The following CTDSP2 variants were observed in gnomAD, a reference collection of about 807,000 sequenced individuals.
The protein encoded by CTDSP2 is CTD small phosphatase 2, also known as carboxy-terminal domain RNA polymerase II polypeptide A small phosphatase 2.
Under a neutral mutation model 31.6 loss-of-function variants are expected in CTDSP2, and 9 were observed. That is an observed-to-expected ratio of 0.28 (90% CI 0.17 to 0.50). The LOEUF (loss-of-function observed/expected upper bound fraction) is 0.50, where lower values mean the gene tolerates loss of function less well. CTDSP2 is among the 20% of genes least tolerant of loss of function. CTDSP2 has a pLI of 0.98. For missense variants in CTDSP2, 267 were observed against 348.5 expected (o/e 0.77, Z 1.86); for synonymous variants, 134 against 134.5 (o/e 1.00, Z 0.03).
At chr12:57,827,311 G>C (rs927764229) in intron 3 of CTDSP2, 9 of 626,950 alleles carry the variant, frequency 1.4e-5, no homozygotes, top group African/African-American at 7.3e-5. Flanking sequence ...TGGAGGTGGT[G>C]GCCAGGGCAG....
intron 5 of CTDSP2, 138 bp from the exon 6 acceptor site, chr12:57,824,457 C>T (rs1956169966): frequency 1.4e-6 from 1 of 711,196 alleles, no homozygotes; most frequent in African/African-American, 1.7e-5. Context: ...GGCTGGAAGC[C>T]TGCGGCCCCC....
intron 1 of CTDSP2, among the ~76,000 whole-genome samples, chr12:57,832,316 G>A (rs971646614): frequency 2.6e-5 from 4 of 152,226 alleles, no homozygotes; most frequent in African/African-American, 9.6e-5. Flanking sequence ...CAGGGATTTT[G>A]TCATGAAGTT....
Position 57,820,701 on chromosome 12 carries a change from AC to A in CTDSP2, c.*2900del, listed in dbSNP as rs1956139561. On this transcript the variant is annotated 3_prime_UTR_variant, in exon 8 of 8. Coordinates refer to ENST00000398073, the MANE Select transcript of CTDSP2 (RefSeq NM_005730.4). ...TGTTAACTGAAGGCAAATTCACTCA[AC>A]CTCTCTAGTAAGGGACCCATGGGCC... 1 of 152,532 alleles carries A rather than the reference AC, an allele frequency of 6.6e-6. No homozygotes were observed. The highest frequency in any genetic ancestry group is 2.1e-4 in the South Asian group (1 of 4,824). 9.4% of individuals were successfully genotyped at this position (152,532 alleles called of 1,614,324 possible). A position where few individuals can be genotyped will look rare whatever the true frequency, so the allele number is the denominator to read the frequency against.
chr12:57,830,967 T>C (rs1956211882), intron 1 of CTDSP2, among the ~76,000 whole-genome samples: 1 of 151,490 alleles, frequency 6.6e-6, no homozygotes, highest in Non-Finnish European at 1.5e-5. Context: ...AGGCTGGTCT[T>C]GAACTCCTGA....
At chr12:57,832,395 G>C (rs964360271) in intron 1 of CTDSP2, among the ~76,000 whole-genome samples, 11 of 152,208 alleles carry the variant, frequency 7.2e-5, no homozygotes, top group Non-Finnish European at 1.3e-4. Context: ...CACTCAAAGA[G>C]TCCAGGATAA....
chr12:57,834,749 C>G (rs890331508), intron 1 of CTDSP2, among the ~76,000 whole-genome samples: 1 of 152,204 alleles, frequency 6.6e-6, no homozygotes, highest in Admixed American at 6.5e-5. Context: ...GGGAGGGGCA[C>G]AGCCTGCCTT....
chr12:57,824,398 C>A (rs745477252), intron 5 of CTDSP2, 79 bp from the exon 6 acceptor site: 31 of 1,082,970 alleles, frequency 2.9e-5, no homozygotes, highest in Non-Finnish European at 4.0e-5. Context: ...ACCAGTTACA[C>A]AGCAGCAAGG....
intron 5 of CTDSP2, among the ~76,000 whole-genome samples, chr12:57,825,071 T>C (rs139907421): frequency 1.6e-4 from 25 of 152,306 alleles, no homozygotes; most frequent in Non-Finnish European, 3.2e-4. Context: ...GCCAGGCTGG[T>C]TGTGAACTTG....
At chr12:57,843,558 AG>A (rs1334423033) in intron 1 of CTDSP2, among the ~76,000 whole-genome samples, 1 of 152,162 alleles carries the variant, frequency 6.6e-6, no homozygotes, top group African/African-American at 2.4e-5. Flanking sequence ...CGCAATGGCA[AG>A]TAACTTCACT....
At chr12:57,832,029 T>C (rs149416513) in intron 1 of CTDSP2, among the ~76,000 whole-genome samples, 1 of 152,264 alleles carries the variant, frequency 6.6e-6, no homozygotes, top group African/African-American at 2.4e-5. Context: ...ACAAGTATAG[T>C]CAGCATCACT....
rs1956151504 is a variant in CTDSP2 at position 57,822,297 on chromosome 12, A to AGG, written c.*1304_*1305insCC. ...TAATTTTAAAGCATTCACTATTAAGAACCTTTGAAAGCAGGAGACACCCAG... is the reference window on the plus strand; with the variant it reads ...TAATTTTAAAGCATTCACTATTAAGAGGACCTTTGAAAGCAGGAGACACCCAG... On this transcript the variant is annotated 3_prime_UTR_variant, in exon 8 of 8. Coordinates refer to ENST00000398073, the MANE Select transcript of CTDSP2 (RefSeq NM_005730.4). 1 of 152,216 alleles carries AGG rather than the reference A, an allele frequency of 6.6e-6. No homozygotes were observed. The highest frequency in any genetic ancestry group is 2.4e-5 in the African/African-American group (1 of 41,430). 9.4% of individuals were successfully genotyped at this position (152,216 alleles called of 1,614,324 possible). A position where few individuals can be genotyped will look rare whatever the true frequency, so the allele number is the denominator to read the frequency against.
Position 57,823,641 on chromosome 12 carries a change from C to T in CTDSP2, c.777G>A (p.Glu259=). The part of the protein sequence containing the change: ...IPIFEELSGA[E]DVYTSLGQLR... The stretch of plus-strand genomic sequence containing the variant: ...GCTGCCCAAGGCTGGTGTAGACGTC[C>T]TCTGCTCCGCTCAGCTCCTCAAAGA... The change falls in exon 8 of 8, where the codon GAG becomes GAA. Residue 259 remains glutamate, a synonymous_variant. Transcript: ENST00000398073. 1 of 1,614,074 alleles carries T rather than the reference C, an allele frequency of 6.2e-7. No individual in the cohort carries two copies.
chr12:57,836,792 C>A lies in CTDSP2; in HGVS notation c.65-7196G>T, dbSNP rs901233846. 2.6e-5 allele frequency among the ~76,000 whole-genome samples: 4 copies of A among 152,158 alleles called. No homozygotes were observed. In the South Asian group the frequency reaches 8.3e-4, roughly 32 times the overall value. On this transcript the variant is annotated intron_variant, in intron 1 of 7. Transcript: ENST00000398073. The stretch of plus-strand genomic sequence containing the variant: ...TTTGTCAACAACACAGCTTTGTGTC[C>A]CAGCAAAGGAACTCCTCACACATCT...
chr12:57,835,205 A>G (rs34559644), intron 1 of CTDSP2, among the ~76,000 whole-genome samples: 15,515 of 151,566 alleles, frequency 0.1, 926 homozygotes, highest in African/African-American at 0.17. Flanking sequence ...GTGCATGCCT[A>G]TAATCCCTGC....
Position 57,826,362 on chromosome 12 carries a change from T to G in CTDSP2, c.395A>C (p.Glu132Ala). The G allele has an allele frequency of 6.2e-7, 1 of 1,614,094 alleles. No homozygotes were observed. The highest frequency in any genetic ancestry group is 1.3e-5 in the African/African-American group (1 of 75,046). The change falls in exon 5 of 8, where the codon GAG becomes GCG. Residue 132 changes from glutamate (E) to alanine (A), a missense_variant. Glu to Ala is a moderately radical substitution (Grantham distance 107). Around this residue, in one of 2 missense-constraint regions of CTDSP2, gnomAD observed 156 missense variants for 241.3 expected, o/e 0.65. Transcript: ENST00000398073. Reference sequence around the variant, plus strand: ...GCAGCTCACCTGGTGAGTGGTCCCCTCAATCTCTATAGGCACTATGAAGTC... The same window carrying G: ...GCAGCTCACCTGGTGAGTGGTCCCCGCAATCTCTATAGGCACTATGAAGTC... ...NADFIVPIEIEGTTHQVYVLK... is the reference protein window; with the variant it reads ...NADFIVPIEIAGTTHQVYVLK...
At chr12:57,825,728 A>G (rs910423821) in intron 5 of CTDSP2, among the ~76,000 whole-genome samples, 1 of 152,208 alleles carries the variant, frequency 6.6e-6, no homozygotes, top group Non-Finnish European at 1.5e-5. Context: ...TGCTCTTTAC[A>G]TTGACAGACA....
chr12:57,824,819 C>T (rs1048694190), intron 5 of CTDSP2: 8 of 378,786 alleles, frequency 2.1e-5, no homozygotes, highest in Non-Finnish European at 2.1e-5. Context: ...GACACCCTGC[C>T]GAGTCTTGCT....
intron 1 of CTDSP2, among the ~76,000 whole-genome samples, chr12:57,832,597 G>C (rs1956222440): frequency 6.6e-6 from 1 of 152,006 alleles, no homozygotes; most frequent in Non-Finnish European, 1.5e-5. Flanking sequence ...TTCGAGACCA[G>C]CCTGGCCAAC....
Position 57,829,509 on chromosome 12 carries a change from C to A in CTDSP2, c.152G>T (p.Gly51Val), listed in dbSNP as rs368927568. The A allele has an allele frequency of 6.2e-7, 1 of 1,614,036 alleles. No homozygotes were observed. The highest frequency in any genetic ancestry group is 1.7e-5 in the Admixed American group (1 of 60,000). ...GAGCTCAGTGGAGGAACTTGACTGG[C>A]CAACATGCTGGGCGCGAAAACAGCA... is the stretch of plus-strand genomic sequence containing the variant. ...LFCCFRAQHV[G>V]QSSSSTELAA... Residue 51 changes from glycine to valine, a missense_variant, in exon 2 of 8, where the codon GGC (glycine) becomes GTC (valine). Coordinates refer to ENST00000398073, the MANE Select transcript of CTDSP2 (RefSeq NM_005730.4).
Sources: gnomAD v4.1 joint callset for allele counts (sites outside exome capture counted in the v4.1 genomes callset) on GRCh38, gnomAD v4.1.1 for gene constraint, gnomAD v4.1.1 regional missense constraint, MANE v1.5 for transcripts, NCBI Gene and HGNC (gene_info 2026-07-23, HGNC 2026-07-21) for gene names.